ACSF2: variants seen among roughly 807,000 people sequenced by gnomAD.
ACSF2 encodes the protein medium-chain acyl-CoA ligase ACSF2, mitochondrial.
Under a neutral mutation model 79.3 loss-of-function variants are expected in ACSF2, and 52 were observed. That is an observed-to-expected ratio of 0.66 (90% CI 0.53 to 0.83). The LOEUF (loss-of-function observed/expected upper bound fraction) is 0.83, where lower values mean the gene tolerates loss of function less well. ACSF2 is among the 40% of genes least tolerant of loss of function. The probability of loss-of-function intolerance (pLI) is 0.00; values close to 1 mark genes in which losing one functional copy is unlikely to be tolerated. For synonymous variants in ACSF2, 283 were observed against 312.6 expected, an observed-to-expected ratio of 0.91 and a Z score of 1.00; for missense variants, 661 against 803.3, an observed-to-expected ratio of 0.82 and a Z score of 2.14.
chr17:50,436,278 T>C (rs905312774), intron 1 of ACSF2, among the ~76,000 whole-genome samples: 1 of 151,840 alleles, frequency 6.6e-6, no homozygotes, highest in Non-Finnish European at 1.5e-5. Flanking sequence ...TACAGGCGCC[T>C]GCCACCACGC....
At chr17:50,472,689 G>A (rs1327246329) in intron 12 of ACSF2, 110 bp downstream of exon 12, 7 of 1,316,600 alleles carry the variant, frequency 5.3e-6, no homozygotes, top group African/African-American at 3.0e-5. Flanking sequence ...GTATCAAGAT[G>A]ACCCCTCACA....
rs967044371 is a variant in ACSF2, at chr17:50,463,152, T to C, written c.793-4T>C. 6.2e-7 allele frequency: 1 copy of C among 1,613,506 alleles called. No homozygotes were observed. The highest frequency in any genetic ancestry group is 1.7e-5 in the Admixed American group (1 of 60,014). On this transcript the variant is annotated splice_polypyrimidine_tract_variant and splice_region_variant and intron_variant, in intron 6 of 15. Transcript: ENST00000300441. This position sits in a 1 kb window ranked among gnomAD's most constrained non-coding sequence, Gnocchi z 4.6. ...GCCAAGCCATGCCCTGTTTGCCTTG[T>C]CAGGGGACAACAGGCAGCCCCAAGG...
Position 50,471,391 on chromosome 17 carries a change from T to G in ACSF2, c.1323+256T>G, listed in dbSNP as rs2033116678. 1 of 487,488 alleles carries G rather than the reference T, an allele frequency of 2.1e-6. No homozygotes were observed. The highest frequency in any genetic ancestry group is 2.3e-5 in the South Asian group (1 of 43,700). 30.2% of individuals were successfully genotyped at this position (487,488 alleles called of 1,614,324 possible). On this transcript the variant is annotated intron_variant, in intron 11 of 15. Coordinates refer to ENST00000300441, the MANE Select transcript of ACSF2 (RefSeq NM_025149.6). This position sits in a 1 kb window ranked among gnomAD's most constrained non-coding sequence, Gnocchi z 4.1. ...CCGCGGCCTCCCTTCCTGTCTGAGGTGTGTTTTTGCCAAGCCCACTGTCTG... is the reference window on the plus strand; with the variant it reads ...CCGCGGCCTCCCTTCCTGTCTGAGGGGTGTTTTTGCCAAGCCCACTGTCTG...
chr17:50,472,064 T>G, intron 11 of ACSF2: 1 of 217,412 alleles, frequency 4.6e-6, no homozygotes, highest in Admixed American at 6.2e-5. Context: ...GTTTGGCTTA[T>G]TTGCTGCTTA....
chr17:50,457,963 C>T (rs751144389), intron 1 of ACSF2, among the ~76,000 whole-genome samples: 2 of 152,112 alleles, frequency 1.3e-5, no homozygotes. Flanking sequence ...CGGTCCACTC[C>T]CCAGAAGCTC....
intron 1 of ACSF2, among the ~76,000 whole-genome samples, chr17:50,442,325 ATTTTT>A (rs34855383): frequency 8.5e-6 from 1 of 117,268 alleles, no homozygotes; most frequent in Admixed American, 8.7e-5. Context: ...AAACAAAACA[ATTTTT>A]TTTTTTTTTT....
rs1006402704 is a variant in ACSF2 at position 50,465,568 on chromosome 17, T to C, written c.1215+1274T>C. 5 of 1,465,926 alleles carry C rather than the reference T, an allele frequency of 3.4e-6. No homozygotes were observed. The African/African-American group carries it at 7.1e-5, about 21-fold the overall frequency. 90.8% of individuals were successfully genotyped at this position (1,465,926 alleles called of 1,614,324 possible). On this transcript the variant is annotated intron_variant, in intron 10 of 15. Coordinates refer to ENST00000300441, the MANE Select transcript of ACSF2 (RefSeq NM_025149.6). ...GAAGCTGTCATCTTCATTTTACAAA[T>C]GGGGAAACTGAGGCTCCCAGGGTCC...
chr17:50,456,787 C>T (rs1316190017), intron 1 of ACSF2, among the ~76,000 whole-genome samples: 1 of 152,010 alleles, frequency 6.6e-6, no homozygotes, highest in Non-Finnish European at 1.5e-5. Context: ...TGGCCAGGTG[C>T]GGTGGCTCAC....
chr17:50,457,170 T>C (rs1399706419), intron 1 of ACSF2, among the ~76,000 whole-genome samples: 1 of 152,224 alleles, frequency 6.6e-6, no homozygotes, highest in Admixed American at 6.5e-5. Context: ...TGGCCTGCTC[T>C]AGGTGACAGT....
chr17:50,465,068 C>T (rs1459501286), intron 10 of ACSF2: 2 of 568,692 alleles, frequency 3.5e-6, no homozygotes, highest in Non-Finnish European at 3.1e-6. Flanking sequence ...AGGCAAAGAT[C>T]GATGTCAGTA....
At chr17:50,469,072 T>C in intron 10 of ACSF2, 1 of 1,245,518 alleles carries the variant, frequency 8.0e-7, no homozygotes, top group Non-Finnish European at 1.0e-6. Flanking sequence ...GGTGGGACCG[T>C]GGCCCCCGAG....
intron 1 of ACSF2, among the ~76,000 whole-genome samples, chr17:50,449,305 C>T (rs1282543116): frequency 6.6e-6 from 1 of 151,952 alleles, no homozygotes; most frequent in Non-Finnish European, 1.5e-5. Flanking sequence ...GCATGAGCCA[C>T]CACGCCCGGC....
chr17:50,463,298 A>G lies in ACSF2; in HGVS notation c.888+47A>G, dbSNP rs938141382. On this transcript the variant is annotated intron_variant, in intron 7 of 15. Coordinates refer to ENST00000300441, the MANE Select transcript of ACSF2 (RefSeq NM_025149.6). The surrounding 1 kb of genome is among the most constrained non-coding windows in gnomAD (Gnocchi z 4.6). ...GGCAAGGCTGCAGGAGGGGTGGCTC[A>G]GGCAGGGGTGGGGGGCTGGCTGGGC... is the stretch of plus-strand genomic sequence containing the variant. 3 of 1,611,300 alleles carry G rather than the reference A, an allele frequency of 1.9e-6. No homozygotes were observed. Among genetic ancestry groups the G allele is most frequent in the Non-Finnish European group, 2.5e-6 (3 of 1,178,084 alleles).
At position 50,459,377 on chromosome 17, in the gene ACSF2, A is replaced by G. The variant is rs989117898; in HGVS notation, c.129-1300A>G. 2.0e-5 allele frequency among the ~76,000 whole-genome samples: 3 copies of G among 152,044 alleles called. No homozygotes were observed. In the East Asian group the frequency reaches 5.8e-4, roughly 29 times the overall value. Reference sequence around the variant, plus strand: ...CCCTTCAACCTCCGGAGTAGCTGGGACTACAGGCATGCGCCACCATACCTG... The same window carrying G: ...CCCTTCAACCTCCGGAGTAGCTGGGGCTACAGGCATGCGCCACCATACCTG... On this transcript the variant is annotated intron_variant, in intron 1 of 15. Coordinates refer to ENST00000300441, the MANE Select transcript of ACSF2 (RefSeq NM_025149.6).
At chr17:50,455,900 AG>A (rs2031962336) in intron 1 of ACSF2, among the ~76,000 whole-genome samples, 1 of 152,132 alleles carries the variant, frequency 6.6e-6, no homozygotes, top group Non-Finnish European at 1.5e-5. Flanking sequence ...GAGGAGTCTA[AG>A]AAAACAGCCT....
chr17:50,460,120 A>C (rs1057118996), intron 1 of ACSF2: 4 of 452,830 alleles, frequency 8.8e-6, no homozygotes, highest in African/African-American at 6.0e-5. Context: ...CTGTGGAATA[A>C]CAGGGGCCGC....
intron 10 of ACSF2, chr17:50,467,841 G>A: frequency 1.8e-6 from 1 of 561,786 alleles, no homozygotes; most frequent in African/African-American, 1.9e-5. Flanking sequence ...GAGGGCAGTG[G>A]TCGAGACTGG....
chr17:50,452,406 C>A (rs564209589), intron 1 of ACSF2, among the ~76,000 whole-genome samples: 2 of 152,196 alleles, frequency 1.3e-5, no homozygotes, highest in East Asian at 3.9e-4. Flanking sequence ...ATCTCTTAAG[C>A]CTGAGAGCTT....
intron 1 of ACSF2, among the ~76,000 whole-genome samples, chr17:50,435,121 C>T (rs529879241): frequency 6.2e-4 from 94 of 152,288 alleles, no homozygotes; most frequent in African/African-American, 2.1e-3. Context: ...TTGCCCGTCT[C>T]GGCCTCCCAA....
Sources: allele counts gnomAD v4.1 joint callset (sites outside exome capture counted in the v4.1 genomes callset), GRCh38; gene constraint gnomAD v4.1.1; non-coding constraint Gnocchi (gnomAD v3.1); transcripts MANE v1.5; gene names NCBI Gene and HGNC (gene_info 2026-07-23, HGNC 2026-07-21).